The following MRPL4 variants were observed in gnomAD, a reference collection of about 807,000 sequenced individuals.
The protein encoded by MRPL4 is large ribosomal subunit protein uL4m.
Under a neutral mutation model 34.1 loss-of-function variants are expected in MRPL4, and 34 were observed. The observed-to-expected ratio is 1.00, with a 90% CI of 0.76 to 1.33. The LOEUF (loss-of-function observed/expected upper bound fraction) is 1.33, where lower values mean the gene tolerates loss of function less well. Among genes scored for constraint, MRPL4 ranks in the 40% most tolerant of loss-of-function variants. The pLI is 0.00. For synonymous variants in MRPL4, 196 were observed against 188.3 expected (o/e 1.04, Z -0.33); for missense variants, 402 against 434.6 (o/e 0.92, Z 0.67).
chr19:10,255,400 G>A (rs1046832910), intron 4 of MRPL4: 1 of 152,762 alleles, frequency 6.5e-6, no homozygotes, highest in Non-Finnish European at 1.5e-5. Context: ...AGGTGAGTCA[G>A]ATGGTCATAC....
Position 10,254,586 on chromosome 19 carries a change from C to A in MRPL4, c.276-3C>A. The A allele has an allele frequency of 6.2e-7, 1 of 1,613,728 alleles. No individual in the cohort carries two copies. The highest frequency in any genetic ancestry group is 1.1e-5 in the South Asian group (1 of 91,066). On this transcript the variant is annotated splice_region_variant and splice_polypyrimidine_tract_variant and intron_variant, in intron 3 of 8. Coordinates refer to ENST00000253099, the MANE Select transcript of MRPL4 (RefSeq NM_015956.3). ...GCTTCTCATGTGTCCTTCCTCCCCG[C>A]AGGCTGGACATACTGCACCAGGTTG...
At chr19:10,254,527 T>G in intron 3 of MRPL4, 62 bp from the exon 4 acceptor site, 1 of 1,593,086 alleles carries the variant, frequency 6.3e-7, no homozygotes, top group South Asian at 1.1e-5. Flanking sequence ...TGGGTTTTCC[T>G]ATAGTGGGGT....
chr19:10,258,394 C>T lies in MRPL4; in HGVS notation c.553-19C>T. ...GCTGCTCTGGACCCAGGGTTCAAAC[C>T]ATCCTTTCCTTCCACCAGGACGACC... On this transcript the variant is annotated intron_variant, in intron 6 of 8. Transcript: ENST00000253099. The T allele has an allele frequency of 1.2e-6, 2 of 1,613,974 alleles. No individual in the cohort carries two copies. The highest frequency in any genetic ancestry group is 8.5e-7 in the Non-Finnish European group (1 of 1,179,956).
chr19:10,258,022 C>T (rs961938314), intron 5 of MRPL4, among the ~76,000 whole-genome samples, 200 bp from the exon 6 acceptor site: 1 of 152,018 alleles, frequency 6.6e-6, no homozygotes, highest in Non-Finnish European at 1.5e-5. Context: ...AGTGTGACAG[C>T]TGGGAAAACT....
intron 3 of MRPL4, among the ~76,000 whole-genome samples, chr19:10,253,427 C>T (rs1448653795): frequency 1.5e-5 from 2 of 136,980 alleles, no homozygotes; most frequent in Non-Finnish European, 1.5e-5. Context: ...TGCAGTGAGC[C>T]GAGATCGCGC....
intron 3 of MRPL4, among the ~76,000 whole-genome samples, chr19:10,253,304 G>A (rs1228860189): frequency 1.3e-4 from 19 of 151,140 alleles, no homozygotes; most frequent in East Asian, 2.0e-4. Context: ...GTGAAACCCC[G>A]TCTCTACTAA....
At position 10,259,857 on chromosome 19, in the gene MRPL4, T is replaced by G. The variant is rs1382314673; in HGVS notation, c.*44T>G. ...AGCCAGGCCGAGCCCCTGGCCGACT[T>G]GGGAGCCTCAGGCCCACGCCCACCC... is the stretch of plus-strand genomic sequence containing the variant. On this transcript the variant is annotated 3_prime_UTR_variant, in exon 9 of 9. Coordinates refer to ENST00000253099, the MANE Select transcript of MRPL4 (RefSeq NM_015956.3). The G allele has an allele frequency of 6.5e-7, 1 of 1,545,422 alleles. No homozygotes were observed. The highest frequency in any genetic ancestry group is 8.8e-7 in the Non-Finnish European group (1 of 1,132,010).
intron 8 of MRPL4, chr19:10,258,917 AT>A: frequency 6.9e-7 from 1 of 1,440,118 alleles, no homozygotes; most frequent in African/African-American, 1.4e-5. Context: ...AGTCTGGGCA[AT>A]ATAGTGAGGC....
intron 4 of MRPL4, 74 bp downstream of exon 4, chr19:10,254,714 C>T (rs182946134): frequency 1.1e-4 from 172 of 1,547,512 alleles, no homozygotes; most frequent in Non-Finnish European, 1.4e-4. Context: ...CAGAGGAAGC[C>T]CATCGCTGGG....
intron 5 of MRPL4, among the ~76,000 whole-genome samples, chr19:10,257,742 A>G (rs986745715): frequency 2.6e-5 from 4 of 151,872 alleles, no homozygotes; most frequent in African/African-American, 9.7e-5. Flanking sequence ...CAGCATTAAC[A>G]GCGTGCTTGA....
At chr19:10,252,188 C>A, upstream of MRPL4, 1 of 1,487,244 alleles carries the variant, frequency 6.7e-7, no homozygotes, top group South Asian at 1.3e-5. Flanking sequence ...TGCGTGACGT[C>A]ATCCAGCGGC....
In MRPL4 at chr19:10,252,378, T is replaced by G; in HGVS notation, c.58-19T>G. On this transcript the variant is annotated intron_variant, in intron 1 of 8. Coordinates refer to ENST00000253099, the MANE Select transcript of MRPL4 (RefSeq NM_015956.3). ...GGGGTGTCCAGGGGTCGTCTCTCAC[T>G]TTCGCCCAACCCTTGCAGGGCCTGA... 1 of 1,613,980 alleles carries G rather than the reference T, an allele frequency of 6.2e-7. No homozygotes were observed. Among genetic ancestry groups the G allele is most frequent in the Non-Finnish European group, 8.5e-7 (1 of 1,179,916 alleles).
chr19:10,257,206 C>A, intron 5 of MRPL4, among the ~76,000 whole-genome samples: 1 of 152,164 alleles, frequency 6.6e-6, no homozygotes, highest in Admixed American at 6.5e-5. Context: ...GAACTCCTGA[C>A]CTTGTCATTG....
rs764863946 is a variant in MRPL4 at position 10,259,806 on chromosome 19, A to G, written c.929A>G (p.His310Arg). Residue 310 changes from histidine to arginine, a missense_variant, in exon 9 of 9, where the codon CAC (histidine) becomes CGC (arginine). Transcript: ENST00000253099. ...CAGGGCCCAGCGGCCACCCCGTACC[A>G]CTGTTGATGTGAAGCACCTCTTCTG... is the stretch of plus-strand genomic sequence containing the variant. ...ATQGPAATPYHC is the reference protein window; with the variant it reads ...ATQGPAATPYRC 1 of 1,604,468 alleles carries G rather than the reference A, an allele frequency of 6.2e-7. No homozygotes were observed. The highest frequency in any genetic ancestry group is 8.5e-7 in the Non-Finnish European group (1 of 1,173,732).
upstream of MRPL4, chr19:10,252,100 G>A (rs2039794371): frequency 1.1e-6 from 1 of 891,062 alleles, no homozygotes. Context: ...TGGGCACGCC[G>A]GGTCGGACCC....
intron 3 of MRPL4, among the ~76,000 whole-genome samples, chr19:10,253,457 C>T (rs568784669): frequency 9.0e-6 from 1 of 110,976 alleles, no homozygotes; most frequent in African/African-American, 3.6e-5. Flanking sequence ...CCATCCTGGG[C>T]AACACTCTGT....
At position 10,252,809 on chromosome 19, in the gene MRPL4, A is replaced by G. The variant is rs2039807805; in HGVS notation, c.275+108A>G. 6.4e-6 allele frequency: 9 copies of G among 1,410,572 alleles called. No individual in the cohort carries two copies. In the South Asian group the frequency reaches 1.1e-4, roughly 17 times the overall value. The allele number at this position is 1,410,572 out of a possible 1,614,324, so 87.4% of individuals were successfully genotyped here. On this transcript the variant is annotated intron_variant, in intron 3 of 8. Transcript: ENST00000253099. ...ACCCTTGGGAAAGTGCTGTATTTCT[A>G]CAGCCTCCGTTTCTCCACCTGTCAA... is the stretch of plus-strand genomic sequence containing the variant.
At chr19:10,255,504 G>A (rs1210723636) in intron 4 of MRPL4, 1 of 152,748 alleles carries the variant, frequency 6.5e-6, no homozygotes, top group Non-Finnish European at 1.5e-5. Flanking sequence ...AGTGGGGCTA[G>A]TGTGGAGATA....
intron 3 of MRPL4, 157 bp downstream of exon 3, chr19:10,252,858 T>G: frequency 9.0e-7 from 1 of 1,105,806 alleles, no homozygotes; most frequent in Non-Finnish European, 1.3e-6. Flanking sequence ...CAGTTTCCCC[T>G]GCTGTAGCGC....
Sources: gnomAD v4.1 joint callset for allele counts (sites outside exome capture counted in the v4.1 genomes callset) on GRCh38, gnomAD v4.1.1 for gene constraint, MANE v1.5 for transcripts, NCBI Gene and HGNC (gene_info 2026-07-23, HGNC 2026-07-21) for gene names.